The following SORCS3 variants were observed in gnomAD, a reference collection of about 807,000 sequenced individuals.
SORCS3 encodes the protein VPS10 domain-containing receptor SorCS3.
A neutral mutation model predicts 146.3 loss-of-function variants in SORCS3; 57 were observed. That is an observed-to-expected ratio of 0.39 (90% CI 0.31 to 0.49). The LOEUF is 0.49. Ranked by LOEUF, SORCS3 falls within the 20% of genes least tolerant of loss-of-function variation. SORCS3 has a pLI of 0.92. For missense variants in SORCS3, 1,341 were observed against 1,575.5 expected (o/e 0.85, Z 2.52); for synonymous variants, 653 against 618.5 (o/e 1.06, Z -0.83).
intron 1 of SORCS3, among the ~76,000 whole-genome samples, chr10:104,765,076 C>A (rs2017163894): frequency 6.6e-6 from 1 of 152,170 alleles, no homozygotes. Flanking sequence ...GCCAGAGACT[C>A]CTATTATTAA....
chr10:105,076,817 G>C (rs913960540), intron 5 of SORCS3, among the ~76,000 whole-genome samples: 1 of 152,208 alleles, frequency 6.6e-6, no homozygotes, highest in African/African-American at 2.4e-5. Context: ...CCAAGCGACT[G>C]TTTGTCCTAT....
chr10:105,242,575 T>TATATTTATATATTTATATAC (rs1564793624), intron 20 of SORCS3, among the ~76,000 whole-genome samples: 73 of 55,572 alleles, frequency 1.3e-3, no homozygotes, highest in East Asian at 8.1e-3. Context: ...TATATTTATA[T>TATATTTATATATTTATATAC]ATTTATATAT....
chr10:104,918,058 G>C (rs1055802621), intron 3 of SORCS3, among the ~76,000 whole-genome samples: 9 of 152,160 alleles, frequency 5.9e-5, no homozygotes, highest in African/African-American at 1.9e-4. Context: ...ACTCCATACT[G>C]TTTTCTATAA....
At chr10:104,786,534 A>G (rs1436077605) in intron 1 of SORCS3, among the ~76,000 whole-genome samples, 1 of 111,084 alleles carries the variant, frequency 9.0e-6, no homozygotes, top group Non-Finnish European at 1.9e-5. Flanking sequence ...GGCTACAAGT[A>G]TGAAACTCCA....
In SORCS3 at chr10:104,667,888, G is replaced by C. The variant is rs567161440; in HGVS notation, c.627+25934G>C. ...GTGCTTTGCCATGGACCTCCTCTGGGAGCTGCTGTGCTGGTGCCCCATGTG... is the reference window on the plus strand; with the variant it reads ...GTGCTTTGCCATGGACCTCCTCTGGCAGCTGCTGTGCTGGTGCCCCATGTG... On this transcript the variant is annotated intron_variant, in intron 1 of 26. Coordinates refer to ENST00000369701, the MANE Select transcript of SORCS3 (RefSeq NM_014978.3). Among the ~76,000 whole-genome samples, 14 of 152,306 alleles carry C rather than the reference G, an allele frequency of 9.2e-5. No homozygotes were observed. In the South Asian group the frequency reaches 2.9e-3, roughly 32 times the overall value.
intron 2 of SORCS3, among the ~76,000 whole-genome samples, chr10:104,892,589 G>A (rs1197046774): frequency 6.6e-6 from 1 of 152,152 alleles, no homozygotes; most frequent in Non-Finnish European, 1.5e-5. Context: ...AGGGCGTGGT[G>A]GCGTGTGCCT....
At chr10:104,760,573 A>G (rs894883516) in intron 1 of SORCS3, among the ~76,000 whole-genome samples, 2 of 152,170 alleles carry the variant, frequency 1.3e-5, no homozygotes, top group African/African-American at 4.8e-5. Flanking sequence ...ATACTATTAT[A>G]GTACTTTCTT....
intron 14 of SORCS3, among the ~76,000 whole-genome samples, chr10:105,183,610 A>G (rs2056456636): frequency 6.6e-6 from 1 of 152,136 alleles, no homozygotes; most frequent in African/African-American, 2.4e-5. Context: ...ACTTTGCCCA[A>G]AGTAAGTCAT....
At chr10:105,186,752 T>G (rs2056479630) in intron 14 of SORCS3, among the ~76,000 whole-genome samples, 1 of 151,740 alleles carries the variant, frequency 6.6e-6, no homozygotes, top group African/African-American at 2.4e-5. Context: ...GGCGTAGTGG[T>G]GGGCACTTGT....
At chr10:104,689,684 T>C (rs932308227) in intron 1 of SORCS3, among the ~76,000 whole-genome samples, 1 of 152,202 alleles carries the variant, frequency 6.6e-6, no homozygotes, top group Non-Finnish European at 1.5e-5. Flanking sequence ...TTTGTCAGTC[T>C]TCACCACTGG....
intron 1 of SORCS3, among the ~76,000 whole-genome samples, chr10:104,697,797 G>A (rs769708491): frequency 4.6e-5 from 7 of 152,124 alleles, no homozygotes; most frequent in Non-Finnish European, 7.4e-5. Context: ...GATCACTTAC[G>A]AATAGTTAAT....
intron 6 of SORCS3, among the ~76,000 whole-genome samples, chr10:105,098,138 T>C (rs2055759216): frequency 6.6e-6 from 1 of 152,182 alleles, no homozygotes; most frequent in African/African-American, 2.4e-5. Flanking sequence ...CTTTAAAATA[T>C]TGATTAATTC....
At position 105,077,883 on chromosome 10, in the gene SORCS3, T is replaced by A. The variant is rs145623555; in HGVS notation, c.1029-11892T>A. Among the ~76,000 whole-genome samples the A allele has an allele frequency of 3.9e-5, 6 of 152,324 alleles. No homozygotes were observed. The East Asian group carries it at 1.2e-3, about 29-fold the overall frequency. The stretch of plus-strand genomic sequence containing the variant: ...GTGTCAGTGTCTGCACCTAAAAATC[T>A]GTGAATCTGGGGCTAGGGAGCAGTT... On this transcript the variant is annotated intron_variant, in intron 5 of 26. Transcript: ENST00000369701.
intron 20 of SORCS3, among the ~76,000 whole-genome samples, chr10:105,224,827 C>A (rs1328664615): frequency 6.6e-6 from 1 of 152,104 alleles, no homozygotes; most frequent in Non-Finnish European, 1.5e-5. Flanking sequence ...TTGGATTTCC[C>A]AGATGACATA....
At chr10:105,020,825 G>A (rs952458982) in intron 4 of SORCS3, among the ~76,000 whole-genome samples, 7 of 152,156 alleles carry the variant, frequency 4.6e-5, no homozygotes, top group Non-Finnish European at 7.3e-5. Context: ...TCTGCCATTC[G>A]TGGAGGGATA....
At chr10:105,062,696 C>T (rs1343799966) in intron 5 of SORCS3, among the ~76,000 whole-genome samples, 1 of 152,164 alleles carries the variant, frequency 6.6e-6, no homozygotes, top group African/African-American at 2.4e-5. Context: ...AAGGGCTAGC[C>T]CCATTATAAA....
intron 2 of SORCS3, among the ~76,000 whole-genome samples, chr10:104,849,826 G>A (rs969400438): frequency 6.6e-6 from 1 of 152,184 alleles, no homozygotes; most frequent in African/African-American, 2.4e-5. Flanking sequence ...GGAGGATGGG[G>A]TACAGAACAA....
intron 1 of SORCS3, among the ~76,000 whole-genome samples, chr10:104,785,024 C>T (rs189228357): frequency 0.046 from 7,045 of 151,870 alleles, 498 homozygotes; most frequent in African/African-American, 0.16. Context: ...TAGGGGCGGC[C>T]GGGCAGAGGC....
chr10:104,697,070 A>G (rs2016225132), intron 1 of SORCS3, among the ~76,000 whole-genome samples: 1 of 151,980 alleles, frequency 6.6e-6, no homozygotes, highest in African/African-American at 2.4e-5. Flanking sequence ...TGATGGATGT[A>G]TTAATTTGAT....
Sources: gnomAD v4.1 joint callset for allele counts (sites outside exome capture counted in the v4.1 genomes callset) on GRCh38, gnomAD v4.1.1 for gene constraint, MANE v1.5 for transcripts, NCBI Gene and HGNC (gene_info 2026-07-23, HGNC 2026-07-21) for gene names.